The following FAM53B variants were observed in gnomAD, a reference collection of about 807,000 sequenced individuals.
FAM53B encodes protein FAM53B.
A neutral mutation model predicts 32.7 loss-of-function variants in FAM53B; 12 were observed. The ratio of observed to expected loss-of-function variants is 0.37; its 90% CI spans 0.24 to 0.59. The LOEUF (loss-of-function observed/expected upper bound fraction) is 0.59. FAM53B is among the 20% of genes least tolerant of loss of function. The pLI, the probability that FAM53B is intolerant of heterozygous loss-of-function variation, is 0.72. For missense variants in FAM53B, 477 were observed against 577.7 expected, an observed-to-expected ratio of 0.83 and a Z score of 1.79; for synonymous variants, 234 against 228.7, an observed-to-expected ratio of 1.02 and a Z score of -0.21.
intron 1 of FAM53B, among the ~76,000 whole-genome samples, chr10:124,715,780 T>C (rs76214224): frequency 1.4e-3 from 217 of 152,350 alleles, no homozygotes; most frequent in African/African-American, 4.9e-3. Context: ...TCTGCCTTTG[T>C]AACATGTAAG....
At chr10:124,696,423 T>C (rs1308393208) in intron 2 of FAM53B, among the ~76,000 whole-genome samples, 1 of 151,860 alleles carries the variant, frequency 6.6e-6, no homozygotes, top group East Asian at 1.9e-4. Flanking sequence ...AGTTATGGAG[T>C]CCATCGAGTT....
Position 124,744,245 on chromosome 10 carries a change from G to A in FAM53B, c.-407C>T, listed in dbSNP as rs1306967421. 1 of 147,244 alleles carries A rather than the reference G, an allele frequency of 6.8e-6. No individual in the cohort carries two copies. The highest frequency in any genetic ancestry group is 2.4e-5 in the African/African-American group (1 of 40,980). The allele number at this position is 147,244 out of a possible 1,614,324, so 9.1% of individuals were successfully genotyped here. On this transcript the variant is annotated 5_prime_UTR_variant, in exon 1 of 5. Transcript: ENST00000337318. ...GGCCGCCCGCACCCGCCGCCGCCGC[G>A]GAGCCGCCAGACCGCGGCTGCGTGA...
At chr10:124,676,365 G>A (rs1472562478) in intron 4 of FAM53B, among the ~76,000 whole-genome samples, 1 of 152,216 alleles carries the variant, frequency 6.6e-6, no homozygotes, top group Non-Finnish European at 1.5e-5. Flanking sequence ...AGGGTGCTGA[G>A]GGTGCAGGGC....
intron 3 of FAM53B, among the ~76,000 whole-genome samples, chr10:124,693,405 C>T (rs558985475): frequency 1.3e-5 from 2 of 150,916 alleles, no homozygotes; most frequent in Admixed American, 6.6e-5. Context: ...GGGAGGCGGA[C>T]GTTGCCGTGG....
At chr10:124,667,427 G>A (rs746915526) in intron 4 of FAM53B, 5 of 767,898 alleles carry the variant, frequency 6.5e-6, no homozygotes, top group Non-Finnish European at 9.7e-6. Context: ...CTATCTGGAG[G>A]AGAAAATACA....
chr10:124,638,698 C>T (rs920981528), intron 4 of FAM53B, among the ~76,000 whole-genome samples: 4 of 152,190 alleles, frequency 2.6e-5, no homozygotes, highest in Admixed American at 2.0e-4. Flanking sequence ...CATGCTGGGG[C>T]GGGGGAGGCC....
At chr10:124,636,742 G>A (rs1949434692) in intron 4 of FAM53B, among the ~76,000 whole-genome samples, 1 of 152,056 alleles carries the variant, frequency 6.6e-6, no homozygotes, top group African/African-American at 2.4e-5. Context: ...GTTCTGGGTG[G>A]GGAATGGCCT....
intron 1 of FAM53B, among the ~76,000 whole-genome samples, chr10:124,739,954 A>C (rs185681358): frequency 1.4e-3 from 214 of 152,320 alleles, no homozygotes; most frequent in African/African-American, 4.7e-3. Flanking sequence ...ATTTAACAAA[A>C]AAACAAACAA....
At chr10:124,648,314 G>A (rs1949533061) in intron 4 of FAM53B, among the ~76,000 whole-genome samples, 1 of 152,250 alleles carries the variant, frequency 6.6e-6, no homozygotes, top group Non-Finnish European at 1.5e-5. Context: ...GGGACAGATG[G>A]GCAGTGGGTG....
intron 4 of FAM53B, among the ~76,000 whole-genome samples, chr10:124,640,046 T>C (rs1949460531): frequency 6.6e-6 from 1 of 152,012 alleles, no homozygotes; most frequent in Non-Finnish European, 1.5e-5. Context: ...TGGCAGAAAA[T>C]CACTTTCTAC....
chr10:124,657,669 T>G (rs1054265407), intron 4 of FAM53B, among the ~76,000 whole-genome samples: 2 of 152,266 alleles, frequency 1.3e-5, no homozygotes, highest in Non-Finnish European at 2.9e-5. Flanking sequence ...GACATACTCC[T>G]GAGCTGATAT....
In FAM53B at chr10:124,630,251, A is replaced by G. The variant is rs532535319; in HGVS notation, c.907-6647T>C. On this transcript the variant is annotated intron_variant, in intron 4 of 4. Transcript: ENST00000337318. ...AACATGGCAAAACCCCATTTCTACC[A>G]AAAAAACTAAAAATTAGCCTGACAT... Among the ~76,000 whole-genome samples, 173 of 152,158 alleles carry G rather than the reference A, an allele frequency of 1.1e-3. 1 individual carries two copies. Among genetic ancestry groups the G allele is most frequent in the African/African-American group, 3.9e-3 (164 of 41,562 alleles).
intron 4 of FAM53B, among the ~76,000 whole-genome samples, chr10:124,676,251 C>T (rs758472301): frequency 6.6e-6 from 1 of 152,142 alleles, no homozygotes; most frequent in Non-Finnish European, 1.5e-5. Flanking sequence ...CCATGCCTAC[C>T]TCTCTCACTA....
intron 3 of FAM53B, among the ~76,000 whole-genome samples, chr10:124,684,910 A>G (rs990425919): frequency 1.3e-5 from 2 of 152,262 alleles, no homozygotes; most frequent in African/African-American, 4.8e-5. Context: ...AAGTTATCCT[A>G]AGAAAAAAGT....
intron 1 of FAM53B, among the ~76,000 whole-genome samples, chr10:124,717,957 G>A (rs1005868493): frequency 2.6e-5 from 4 of 152,078 alleles, no homozygotes; most frequent in African/African-American, 4.8e-5. Flanking sequence ...CTTTCCTACC[G>A]GTGCAGCTCC....
chr10:124,636,880 C>T (rs1949435427), intron 4 of FAM53B, among the ~76,000 whole-genome samples: 1 of 151,798 alleles, frequency 6.6e-6, no homozygotes, highest in Non-Finnish European at 1.5e-5. Context: ...TCACACCCAC[C>T]AAGCAGAAGA....
intron 2 of FAM53B, among the ~76,000 whole-genome samples, chr10:124,701,357 ACCAGATCAGCCCCT>A (rs1949913860): frequency 6.6e-6 from 1 of 152,228 alleles, no homozygotes; most frequent in South Asian, 2.1e-4. Flanking sequence ...TGTTCTAGCT[ACCAGATCAGCCCCT>A]CCAAAGGACA....
At chr10:124,706,100 G>A (rs1445686264) in intron 2 of FAM53B, among the ~76,000 whole-genome samples, 2 of 152,220 alleles carry the variant, frequency 1.3e-5, no homozygotes, top group East Asian at 1.9e-4. Flanking sequence ...TAAGAAGGCC[G>A]AGTTAGCTAC....
chr10:124,740,813 T>C (rs1332841466), intron 1 of FAM53B, among the ~76,000 whole-genome samples: 1 of 152,122 alleles, frequency 6.6e-6, no homozygotes, highest in Non-Finnish European at 1.5e-5. Context: ...GGCCAGACCC[T>C]GTTTTGTGGC....
Sources: allele counts gnomAD v4.1 joint callset (sites outside exome capture counted in the v4.1 genomes callset), GRCh38; gene constraint gnomAD v4.1.1; transcripts MANE v1.5; gene names NCBI Gene and HGNC (gene_info 2026-07-23, HGNC 2026-07-21).